The following TRPC4AP variants were observed in gnomAD, a reference collection of about 807,000 sequenced individuals.
TRPC4AP encodes the protein short transient receptor potential channel 4-associated protein.
Under a neutral mutation model 99.0 loss-of-function variants are expected in TRPC4AP, and 45 were observed. That is an observed-to-expected ratio of 0.45 (90% CI 0.36 to 0.58). The LOEUF is 0.58. TRPC4AP is among the 20% of genes least tolerant of loss of function. The pLI is 0.00. For missense variants in TRPC4AP, 879 were observed against 985.3 expected, an observed-to-expected ratio of 0.89 and a Z score of 1.44; for synonymous variants, 408 against 385.8, an observed-to-expected ratio of 1.06 and a Z score of -0.67.
intron 1 of TRPC4AP, among the ~76,000 whole-genome samples, chr20:35,087,846 T>C (rs185947850): frequency 9.7e-4 from 147 of 152,298 alleles, no homozygotes; most frequent in African/African-American, 3.0e-3. Flanking sequence ...CCAAGTAGAA[T>C]TGACCCATTA....
At chr20:35,048,607 ACTTT>A (rs2083615895) in intron 6 of TRPC4AP, among the ~76,000 whole-genome samples, 1 of 152,146 alleles carries the variant, frequency 6.6e-6, no homozygotes, top group Non-Finnish European at 1.5e-5. Context: ...TGGTGTTTCC[ACTTT>A]CTTTATGGTA....
At chr20:35,059,776 A>G (rs6119564) in intron 3 of TRPC4AP, among the ~76,000 whole-genome samples, 88,692 of 149,882 alleles carry the variant, frequency 0.59, 26,906 homozygotes, top group Middle Eastern at 0.74. Flanking sequence ...CGACGAAGAC[A>G]AAGAAGATGA....
chr20:35,058,613 A>G (rs1480151712), intron 3 of TRPC4AP, among the ~76,000 whole-genome samples: 1 of 152,194 alleles, frequency 6.6e-6, no homozygotes, highest in African/African-American at 2.4e-5. Flanking sequence ...TGAAAATACC[A>G]AAACTTATGA....
intron 1 of TRPC4AP, among the ~76,000 whole-genome samples, chr20:35,090,916 T>C (rs1013917820): frequency 1.5e-5 from 2 of 134,248 alleles, no homozygotes; most frequent in African/African-American, 2.9e-5. Flanking sequence ...GGATTAAAGA[T>C]AACATATGCC....
chr20:35,047,743 C>G (rs1431014008), intron 6 of TRPC4AP, among the ~76,000 whole-genome samples: 1 of 152,156 alleles, frequency 6.6e-6, no homozygotes, highest in African/African-American at 2.4e-5. Context: ...TTGATCTTTT[C>G]TACTTGGCTG....
intron 3 of TRPC4AP, among the ~76,000 whole-genome samples, chr20:35,057,850 GC>G (rs2083878449): frequency 6.6e-6 from 1 of 152,098 alleles, no homozygotes; most frequent in African/African-American, 2.4e-5. Context: ...ATCTAATGCG[GC>G]TTTAATTTCT....
At chr20:35,004,710 G>C in intron 16 of TRPC4AP, 140 bp from the exon 17 acceptor site, 1 of 680,970 alleles carries the variant, frequency 1.5e-6, no homozygotes, top group Non-Finnish European at 2.6e-6. Context: ...AAAGCTGACT[G>C]TGGCAGAAAG....
In TRPC4AP at chr20:35,044,384, T is replaced by G. The variant is rs1363979949; in HGVS notation, c.865+121A>C. 12 of 971,030 alleles carry G rather than the reference T, an allele frequency of 1.2e-5. No individual in the cohort carries two copies. In the East Asian group the frequency reaches 3.3e-4, roughly 27 times the overall value. The allele number at this position is 971,030 out of a possible 1,614,324, so 60.2% of individuals were successfully genotyped here. On this transcript the variant is annotated intron_variant, in intron 7 of 18. Coordinates refer to ENST00000252015, the MANE Select transcript of TRPC4AP (RefSeq NM_015638.3). ...TCCTGCCTGGGTGACATAGTGACGA[T>G]CCCATCTCAAAAAAGGAAAAAAAAA...
chr20:35,019,912 A>C (rs1029363226), intron 9 of TRPC4AP, among the ~76,000 whole-genome samples: 8 of 152,170 alleles, frequency 5.3e-5, no homozygotes, highest in African/African-American at 1.9e-4. Flanking sequence ...GTCAATTCTA[A>C]CACACACCTC....
chr20:35,067,787 A>G (rs1281165521), intron 3 of TRPC4AP, among the ~76,000 whole-genome samples: 9 of 152,194 alleles, frequency 5.9e-5, no homozygotes, highest in Admixed American at 5.9e-4. Flanking sequence ...AAATTTATAC[A>G]AAACGTCCAC....
chr20:35,051,078 C>T (rs1163749610), intron 5 of TRPC4AP, among the ~76,000 whole-genome samples: 1 of 150,404 alleles, frequency 6.6e-6, no homozygotes, highest in African/African-American at 2.5e-5. Context: ...ACATATATAT[C>T]CCACCCCTAC....
chr20:35,052,232 TG>T (rs1472518381), intron 5 of TRPC4AP, among the ~76,000 whole-genome samples: 1 of 94,870 alleles, frequency 1.1e-5, no homozygotes, highest in East Asian at 3.9e-4. Context: ...CCTGAGGAGC[TG>T]GGACTATGGT....
At chr20:35,063,928 A>G (rs1330693017) in intron 3 of TRPC4AP, among the ~76,000 whole-genome samples, 4 of 152,236 alleles carry the variant, frequency 2.6e-5, no homozygotes, top group Admixed American at 6.5e-5. Context: ...CTAGGTTAAT[A>G]TAAACAGAAA....
chr20:35,048,210 CTGTT>C (rs2083604268), intron 6 of TRPC4AP, among the ~76,000 whole-genome samples: 9 of 91,416 alleles, frequency 9.8e-5, no homozygotes, highest in Admixed American at 3.1e-4. Context: ...TGTAAGAATT[CTGTT>C]TTTTTTTTTT....
At chr20:35,007,728 C>T (rs1231707557) in intron 13 of TRPC4AP, 88 bp from the exon 14 acceptor site, 2 of 1,346,552 alleles carry the variant, frequency 1.5e-6, no homozygotes, top group African/African-American at 2.9e-5. Flanking sequence ...ATGTTTGTTG[C>T]CTTTTCATGT....
chr20:35,061,343 A>T (rs1395611984), intron 3 of TRPC4AP, among the ~76,000 whole-genome samples: 1 of 152,240 alleles, frequency 6.6e-6, no homozygotes, highest in Non-Finnish European at 1.5e-5. Context: ...AATCTAAAAA[A>T]ATGGAAAGCT....
intron 1 of TRPC4AP, among the ~76,000 whole-genome samples, chr20:35,082,999 G>A (rs999277733): frequency 1.3e-5 from 2 of 152,172 alleles, no homozygotes; most frequent in South Asian, 4.1e-4. Context: ...TCATACTGGA[G>A]GTCTCAGGCA....
Position 35,013,177 on chromosome 20 carries a change from C to T in TRPC4AP, c.1351-111G>A. On this transcript the variant is annotated intron_variant, in intron 10 of 18. Transcript: ENST00000252015. ...TTCTCTAAGCCTCTGTCCTCATGTA[C>T]CATGAGGACTTTTCTTTAGTTAGAA... The T allele has an allele frequency of 7.5e-6, 7 of 933,704 alleles. No individual in the cohort carries two copies. In the South Asian group the frequency reaches 9.9e-5, roughly 13 times the overall value. The allele number at this position is 933,704 out of a possible 1,614,324, so 57.8% of individuals were successfully genotyped here. A position where few individuals can be genotyped will look rare whatever the true frequency, so the allele number is the denominator to read the frequency against.
At chr20:35,075,020 C>A (rs1349356161) in intron 2 of TRPC4AP, among the ~76,000 whole-genome samples, 1 of 151,744 alleles carries the variant, frequency 6.6e-6, no homozygotes, top group Non-Finnish European at 1.5e-5. Context: ...ATGTAATGGC[C>A]TTGTCTCTTT....
Sources: allele counts gnomAD v4.1 joint callset (sites outside exome capture counted in the v4.1 genomes callset), GRCh38; gene constraint gnomAD v4.1.1; transcripts MANE v1.5; gene names NCBI Gene and HGNC (gene_info 2026-07-23, HGNC 2026-07-21).